Variants in DLG2 observed in about 807,000 individuals in gnomAD.
DLG2 encodes the protein disks large homolog 2.
Under a neutral mutation model 132.5 loss-of-function variants are expected in DLG2, and 45 were observed. The ratio of observed to expected loss-of-function variants is 0.34; its 90% CI spans 0.27 to 0.44. The LOEUF is 0.44. DLG2 is among the 20% of genes least tolerant of loss of function. The pLI is 1.00. For synonymous variants in DLG2, 424 were observed against 419.6 expected (o/e 1.01, Z -0.13); for missense variants, 1,045 against 1,196.9 (o/e 0.87, Z 1.87).
At chr11:85,338,701 A>AT (rs35378658) in intron 3 of DLG2, among the ~76,000 whole-genome samples, 838 of 83,550 alleles carry the variant, frequency 0.01, 21 homozygotes, top group African/African-American at 0.025. Context: ...TGTATAAATA[A>AT]TTTTTTTTTT....
intron 4 of DLG2, among the ~76,000 whole-genome samples, chr11:85,187,289 G>GA (rs2080183570): frequency 6.6e-6 from 1 of 151,962 alleles, no homozygotes; most frequent in Admixed American, 6.6e-5. Context: ...GATTACTCTA[G>GA]AAAACTTTAA....
chr11:83,641,317 G>C (rs1591518647), intron 18 of DLG2, among the ~76,000 whole-genome samples: 1 of 152,106 alleles, frequency 6.6e-6, no homozygotes. Flanking sequence ...TCACACATAA[G>C]AGGATTAGCC....
At chr11:84,750,365 T>C (rs74396740) in intron 6 of DLG2, among the ~76,000 whole-genome samples, 7,379 of 152,212 alleles carry the variant, frequency 0.048, 248 homozygotes, top group Non-Finnish European at 0.078. Flanking sequence ...GTATGTACAA[T>C]GAGGAAGATA....
chr11:85,587,738 G>A (rs2079061482), intron 3 of DLG2, among the ~76,000 whole-genome samples: 1 of 152,138 alleles, frequency 6.6e-6, no homozygotes, highest in South Asian at 2.1e-4. Context: ...CATCGTGCTA[G>A]CTGTTGCCTG....
At chr11:84,433,839 C>T (rs2098992157) in intron 7 of DLG2, among the ~76,000 whole-genome samples, 1 of 151,948 alleles carries the variant, frequency 6.6e-6, no homozygotes. Context: ...ATAGGTGTCC[C>T]AGCATGGTGG....
intron 7 of DLG2, among the ~76,000 whole-genome samples, chr11:84,484,020 T>C (rs2099144739): frequency 6.6e-6 from 1 of 152,112 alleles, no homozygotes; most frequent in Admixed American, 6.6e-5. Context: ...TTTATGTTGC[T>C]AGAGGGACAG....
At chr11:83,697,894 G>A (rs1395727810) in intron 18 of DLG2, among the ~76,000 whole-genome samples, 1 of 152,184 alleles carries the variant, frequency 6.6e-6, no homozygotes, top group Non-Finnish European at 1.5e-5. Context: ...TGGCCAGTAA[G>A]AAGTGATTCT....
chr11:84,871,077 C>T (rs1600385825), intron 6 of DLG2, among the ~76,000 whole-genome samples: 2 of 152,184 alleles, frequency 1.3e-5, no homozygotes, highest in Non-Finnish European at 2.9e-5. Flanking sequence ...TGTTCTGTTT[C>T]AGATATGCCT....
intron 6 of DLG2, among the ~76,000 whole-genome samples, chr11:84,578,170 G>A (rs1465129007): frequency 6.6e-6 from 1 of 152,162 alleles, no homozygotes; most frequent in East Asian, 1.9e-4. Flanking sequence ...CATGGACGGG[G>A]CCCTCATAGA....
intron 7 of DLG2, among the ~76,000 whole-genome samples, chr11:84,454,049 A>G (rs1296520317): frequency 2.7e-4 from 41 of 151,622 alleles, no homozygotes; most frequent in Non-Finnish European, 3.0e-5. Flanking sequence ...TAGATCATAT[A>G]AGGAGATAGT....
chr11:83,657,620 G>C (rs1351987895), intron 18 of DLG2, among the ~76,000 whole-genome samples: 1 of 136,782 alleles, frequency 7.3e-6, no homozygotes, highest in East Asian at 2.3e-4. Flanking sequence ...CTCACTGCAA[G>C]ATCTGCCTCC....
chr11:85,123,256 C>T (rs1311745485), intron 5 of DLG2, among the ~76,000 whole-genome samples: 2 of 151,722 alleles, frequency 1.3e-5, no homozygotes, highest in East Asian at 3.9e-4. Context: ...GGATTACAGG[C>T]GTGAGCCACC....
chr11:84,751,242 C>T (rs1048059904), intron 6 of DLG2, among the ~76,000 whole-genome samples: 1 of 152,086 alleles, frequency 6.6e-6, no homozygotes, highest in Non-Finnish European at 1.5e-5. Flanking sequence ...AATTAAGTGA[C>T]TGGATCAGAT....
intron 16 of DLG2, among the ~76,000 whole-genome samples, chr11:83,871,034 C>A (rs946083453): frequency 5.9e-5 from 9 of 152,214 alleles, no homozygotes; most frequent in Non-Finnish European, 7.3e-5. Flanking sequence ...ACCCTTCAAT[C>A]AGCTTTCTGT....
At chr11:83,608,492 G>C (rs918412112) in intron 19 of DLG2, among the ~76,000 whole-genome samples, 1 of 151,982 alleles carries the variant, frequency 6.6e-6, no homozygotes, top group African/African-American at 2.4e-5. Flanking sequence ...TGGATTTTCA[G>C]ATTTGGGATG....
intron 18 of DLG2, among the ~76,000 whole-genome samples, chr11:83,698,487 A>C (rs547345174): frequency 6.6e-6 from 1 of 152,310 alleles, no homozygotes; most frequent in South Asian, 2.1e-4. Context: ...ATTTGGTATC[A>C]TGGGTTTCTT....
intron 9 of DLG2, among the ~76,000 whole-genome samples, chr11:84,114,961 C>T (rs1461075301): frequency 6.6e-6 from 1 of 152,014 alleles, no homozygotes; most frequent in African/African-American, 2.4e-5. Context: ...TGAGCCACCT[C>T]ACCTGGGCTG....
intron 7 of DLG2, among the ~76,000 whole-genome samples, chr11:84,506,834 G>C (rs1480682883): frequency 6.6e-6 from 1 of 152,162 alleles, no homozygotes; most frequent in African/African-American, 2.4e-5. Flanking sequence ...GAACTGCCCA[G>C]AAGAGATGAT....
chr11:85,498,928 C>A (rs192330118), intron 3 of DLG2, among the ~76,000 whole-genome samples: 2 of 152,148 alleles, frequency 1.3e-5, no homozygotes, highest in Non-Finnish European at 2.9e-5. Context: ...ATCTCTGGGA[C>A]ACATTTAAAG....
Sources: gnomAD v4.1 joint callset for allele counts (sites outside exome capture counted in the v4.1 genomes callset) on GRCh38, gnomAD v4.1.1 for gene constraint, MANE v1.5 for transcripts, NCBI Gene and HGNC (gene_info 2026-07-23, HGNC 2026-07-21) for gene names.